The following HDAC9 variants were observed in gnomAD, a reference collection of about 807,000 sequenced individuals.
The protein encoded by HDAC9 is MEF-2 interacting transcription repressor (MITR) protein.
A neutral mutation model predicts 139.4 loss-of-function variants in HDAC9; 41 were observed. The ratio of observed to expected loss-of-function variants is 0.29; its 90% confidence interval spans 0.23 to 0.38. The LOEUF (loss-of-function observed/expected upper bound fraction) is 0.38. Among genes scored for constraint, HDAC9 ranks in the 10% least tolerant of loss-of-function variants. The pLI is 1.00. For missense variants in HDAC9, 1,147 were observed against 1,297.0 expected (o/e 0.88, Z 1.78); for synonymous variants, 517 against 476.2 (o/e 1.09, Z -1.12).
intron 1 of HDAC9, among the ~76,000 whole-genome samples, chr7:18,384,206 G>A (rs1448400904): frequency 2.6e-5 from 4 of 152,008 alleles, no homozygotes; most frequent in Non-Finnish European, 5.9e-5. Context: ...AGGTACTTGG[G>A]AGGCTGAGGT....
At chr7:18,121,820 T>G (rs1356025520) in intron 1 of HDAC9, among the ~76,000 whole-genome samples, 1 of 146,392 alleles carries the variant, frequency 6.8e-6, no homozygotes, top group Non-Finnish European at 1.5e-5. Flanking sequence ...GATTGCAATT[T>G]ATTTTTAGAT....
intron 2 of HDAC9, among the ~76,000 whole-genome samples, chr7:18,513,555 A>T (rs1802229811): frequency 6.6e-6 from 1 of 152,214 alleles, no homozygotes; most frequent in Non-Finnish European, 1.5e-5. Context: ...CAGGGGGAAC[A>T]GCCAATGCCA....
At chr7:18,164,530 C>T (rs543225765) in intron 2 of HDAC9, among the ~76,000 whole-genome samples, 1 of 152,152 alleles carries the variant, frequency 6.6e-6, no homozygotes, top group Non-Finnish European at 1.5e-5. Context: ...GAAAAATAGA[C>T]TCACTTCAGT....
At chr7:18,175,083 G>C (rs186476697) in intron 2 of HDAC9, among the ~76,000 whole-genome samples, 1 of 152,142 alleles carries the variant, frequency 6.6e-6, no homozygotes, top group Non-Finnish European at 1.5e-5. Flanking sequence ...CAGAGGCAGC[G>C]GGCCTTGCTG....
At chr7:18,120,133 A>T (rs1784272350) in intron 1 of HDAC9, among the ~76,000 whole-genome samples, 1 of 152,120 alleles carries the variant, frequency 6.6e-6, no homozygotes. Flanking sequence ...ACAGGAGAAG[A>T]TTTTGCTCCC....
intron 6 of HDAC9, among the ~76,000 whole-genome samples, chr7:18,627,198 C>T (rs532524798): frequency 6.6e-6 from 1 of 152,318 alleles, no homozygotes; most frequent in South Asian, 2.1e-4. Context: ...ATTCACATCC[C>T]TCAATGAAAA....
At position 18,194,812 on chromosome 7, in the gene HDAC9, G is replaced by A. The variant is rs1174741734; in HGVS notation, c.25+32463G>A. On this transcript the variant is annotated intron_variant, in intron 2 of 12. Transcript: ENST00000417496. ...GTTATTTAATCTACTGGTGTTTGAT[G>A]TTTTCCTTGCTTGCCAATGTGGTAT... 2.6e-5 allele frequency among the ~76,000 whole-genome samples: 4 copies of A among 152,070 alleles called. No homozygotes were observed. In the East Asian group the frequency reaches 5.8e-4, roughly 22 times the overall value.
chr7:18,357,380 G>A (rs563566985), intron 1 of HDAC9, among the ~76,000 whole-genome samples: 12 of 152,094 alleles, frequency 7.9e-5, no homozygotes, highest in African/African-American at 1.7e-4. Context: ...TCCTTCTGTC[G>A]TCTCTGTTCT....
At chr7:18,287,195 T>G (rs1306187250), upstream of HDAC9, among the ~76,000 whole-genome samples, 1 of 152,194 alleles carries the variant, frequency 6.6e-6, no homozygotes, top group Non-Finnish European at 1.5e-5. Flanking sequence ...GAAATATATT[T>G]TCTATTGCTT....
At chr7:18,140,408 A>C (rs1033185033) in intron 1 of HDAC9, among the ~76,000 whole-genome samples, 1 of 152,148 alleles carries the variant, frequency 6.6e-6, no homozygotes, top group Non-Finnish European at 1.5e-5. Flanking sequence ...GCCCACAAAA[A>C]CAAGAAAAAA....
intron 1 of HDAC9, among the ~76,000 whole-genome samples, chr7:18,297,532 T>A (rs1464905454): frequency 6.6e-6 from 1 of 152,198 alleles, no homozygotes. Flanking sequence ...TCATACCTTG[T>A]TTGGGGATAC....
At chr7:18,447,703 A>G (rs1462189387) in intron 1 of HDAC9, among the ~76,000 whole-genome samples, 1 of 152,234 alleles carries the variant, frequency 6.6e-6, no homozygotes, top group African/African-American at 2.4e-5. Flanking sequence ...AGAACTTTAT[A>G]GTTAACTGTC....
intron 11 of HDAC9, among the ~76,000 whole-genome samples, chr7:18,655,101 C>T (rs117143581): frequency 0.011 from 1,708 of 152,252 alleles, 14 homozygotes; most frequent in South Asian, 0.018. Flanking sequence ...GGCATCTCAT[C>T]TATGGGTGGT....
intron 11 of HDAC9, among the ~76,000 whole-genome samples, chr7:18,651,378 A>G (rs969100575): frequency 1.3e-5 from 2 of 152,208 alleles, no homozygotes; most frequent in African/African-American, 4.8e-5. Context: ...ACATATTTAA[A>G]TATATCTTCT....
intron 17 of HDAC9, among the ~76,000 whole-genome samples, chr7:18,814,652 A>G (rs955404153): frequency 3.9e-5 from 6 of 152,170 alleles, no homozygotes; most frequent in Middle Eastern, 3.2e-3. Context: ...TTCTTTATAT[A>G]TAATGCTATT....
chr7:18,339,496 A>T (rs1215041169), intron 1 of HDAC9, among the ~76,000 whole-genome samples: 3 of 151,496 alleles, frequency 2.0e-5, no homozygotes, highest in African/African-American at 7.3e-5. Context: ...AAAAAATTAA[A>T]AAAGAATGTA....
At chr7:18,358,534 G>A (rs927225593) in intron 1 of HDAC9, among the ~76,000 whole-genome samples, 4 of 152,172 alleles carry the variant, frequency 2.6e-5, no homozygotes, top group South Asian at 2.1e-4. Context: ...AAGCAACTTC[G>A]AATGAGTGTT....
At chr7:18,928,657 T>A (rs1393595071) in intron 22 of HDAC9, among the ~76,000 whole-genome samples, 1 of 152,212 alleles carries the variant, frequency 6.6e-6, no homozygotes, top group Non-Finnish European at 1.5e-5. Flanking sequence ...ATGAAAAATG[T>A]ATCCACTATT....
At chr7:18,782,307 T>C (rs1791311716) in intron 16 of HDAC9, among the ~76,000 whole-genome samples, 1 of 152,106 alleles carries the variant, frequency 6.6e-6, no homozygotes, top group South Asian at 2.1e-4. Flanking sequence ...TATATTTAAC[T>C]CTGGGAATAT....
Sources: allele counts gnomAD v4.1 joint callset (sites outside exome capture counted in the v4.1 genomes callset), GRCh38; gene constraint gnomAD v4.1.1; transcripts MANE v1.5; gene names NCBI Gene and HGNC (gene_info 2026-07-23, HGNC 2026-07-21).